BTG2: variants seen among roughly 807,000 people sequenced by gnomAD.
The protein encoded by BTG2 is BTG anti-proliferation factor 2, also known as protein BTG2.
In BTG2, 9 loss-of-function variants were observed where a neutral mutation model predicts 13.1. The observed-to-expected ratio is 0.69, with a 90% CI of 0.41 to 1.20. BTG2 has a LOEUF of 1.20. BTG2 is among the 50% of genes most tolerant of loss of function. The pLI is 0.00. For synonymous variants in BTG2, 92 were observed against 88.6 expected, an observed-to-expected ratio of 1.04 and a Z score of -0.21; for missense variants, 200 against 209.5, an observed-to-expected ratio of 0.95 and a Z score of 0.28.
intron 1 of BTG2, 64 bp from the exon 2 acceptor site, chr1:203,307,040 T>A (rs560765537): frequency 9.0e-6 from 13 of 1,443,522 alleles, no homozygotes; most frequent in Non-Finnish European, 1.2e-5. Context: ...CACCCCGCCC[T>A]ATGGTAGTAT....
Position 203,307,310 on chromosome 1 carries a change from G to A in BTG2, c.349G>A (p.Gly117Ser), listed in dbSNP as rs1395503335. Residue 117 changes from glycine to serine, a missense_variant, in exon 2 of 2, where the codon GGC (glycine) becomes AGC (serine). Gly to Ser is a moderately conservative substitution (Grantham distance 56). Transcript: ENST00000290551. ...YEVSYRIGED[G>S]SICVLYEEAP... ...GGTGTCCTACCGCATTGGGGAGGAC[G>A]GCTCCATCTGCGTCTTGTACGAGGA... 2.5e-6 allele frequency: 4 copies of A among 1,614,114 alleles called. No homozygotes were observed. The highest frequency in any genetic ancestry group is 2.2e-5 in the East Asian group (1 of 44,884).
intron 1 of BTG2, among the ~76,000 whole-genome samples, chr1:203,306,169 A>G (rs551717330): frequency 6.6e-6 from 1 of 152,106 alleles, no homozygotes; most frequent in African/African-American, 2.4e-5. Context: ...CTTTTCAACA[A>G]TTTGGAGTCC....
Position 203,309,406 on chromosome 1 carries a change from A to G in BTG2, c.*1968A>G, listed in dbSNP as rs1658339896. The stretch of plus-strand genomic sequence containing the variant: ...TGATGTTCACTTTAAAAACAACAAA[A>G]CCCCTGAGCTGGACTGTTGAGCAGG... On this transcript the variant is annotated 3_prime_UTR_variant, in exon 2 of 2. Coordinates refer to ENST00000290551, the MANE Select transcript of BTG2 (RefSeq NM_006763.3). 2 of 152,674 alleles carry G rather than the reference A, an allele frequency of 1.3e-5. No individual in the cohort carries two copies. The highest frequency in any genetic ancestry group is 1.3e-4 in the Admixed American group (2 of 15,294). The allele number at this position is 152,674 out of a possible 1,614,324, so 9.5% of individuals were successfully genotyped here. A position where few individuals can be genotyped will look rare whatever the true frequency, so the allele number is the denominator to read the frequency against.
chr1:203,305,871 C>T (rs1398717230), intron 1 of BTG2, 123 bp downstream of exon 1: 2 of 1,348,526 alleles, frequency 1.5e-6, no homozygotes, highest in Non-Finnish European at 2.0e-6. Context: ...GGTGGCCCTC[C>T]TCCGACCCCC....
chr1:203,305,636 C>G lies in BTG2; in HGVS notation c.30C>G (p.Leu10=), dbSNP rs1248227869. 18 of 1,594,202 alleles carry G rather than the reference C, an allele frequency of 1.1e-5. No individual in the cohort carries two copies. The highest frequency in any genetic ancestry group is 1.5e-5 in the Non-Finnish European group (18 of 1,171,022). MSHGKGTDM[L]PEIAAAVGFL... is the part of the protein sequence containing the mutation. ...GCCACGGGAAGGGAACCGACATGCT[C>G]CCGGAGATCGCCGCCGCCGTGGGCT... The change falls in exon 1 of 2, where the codon CTC becomes CTG. Residue 10 remains leucine, a synonymous_variant. Transcript: ENST00000290551.
intron 1 of BTG2, 31 bp from the exon 2 acceptor site, chr1:203,307,073 A>G (rs776847266): frequency 6.3e-7 from 1 of 1,594,482 alleles, no homozygotes; most frequent in South Asian, 1.1e-5. Flanking sequence ...TGCTCTAACC[A>G]GGGCATCTGC....
Position 203,305,554 on chromosome 1 carries a change from T to C in BTG2, c.-53T>C. On this transcript the variant is annotated 5_prime_UTR_variant, in exon 1 of 2. Transcript: ENST00000290551. ...CAGCGGCCAGGGTAACGCTGTCTTG[T>C]GGACCCGCACTTCCCACCCGAGACC... The C allele has an allele frequency of 1.6e-5, 25 of 1,565,072 alleles. 2 individuals are homozygous for C. The South Asian group carries it at 2.8e-4, about 18-fold the overall frequency.
chr1:203,305,778 C>G (rs1237543007), intron 1 of BTG2, 30 bp downstream of exon 1: 1 of 1,535,406 alleles, frequency 6.5e-7, no homozygotes, highest in Non-Finnish European at 8.8e-7. Context: ...CCTGGCGCCA[C>G]CGGGGGTCGG....
In BTG2 at chr1:203,307,490, A is replaced by G. The variant is rs1658306024; in HGVS notation, c.*52A>G. 10 of 1,422,410 alleles carry G rather than the reference A, an allele frequency of 7.0e-6. No individual in the cohort carries two copies. The highest frequency in any genetic ancestry group is 9.5e-6 in the Non-Finnish European group (10 of 1,047,630). 88.1% of individuals were successfully genotyped at this position (1,422,410 alleles called of 1,614,324 possible). ...GCCGTGCTCATGCTGCCGTGACAAC[A>G]GGCCACCACATACCTCAACCTGGGG... On this transcript the variant is annotated 3_prime_UTR_variant, in exon 2 of 2. Coordinates refer to ENST00000290551, the MANE Select transcript of BTG2 (RefSeq NM_006763.3).
Position 203,305,721 on chromosome 1 carries a change from A to G in BTG2, c.115A>G (p.Ser39Gly). 2 of 1,551,184 alleles carry G rather than the reference A, an allele frequency of 1.3e-6. No homozygotes were observed. Among genetic ancestry groups the G allele is most frequent in the South Asian group, 2.4e-5 (2 of 83,974 alleles). The part of the protein sequence containing the change: ...CVSEQRLKVF[S>G]GALQEALTEH... ...GAGCGAGCAGAGGCTTAAGGTCTTC[A>G]GCGGGGCGCTCCAGGAGGCACTCAC... Residue 39 changes from serine to glycine, a missense_variant, in exon 1 of 2, where the codon AGC (serine) becomes GGC (glycine). Physicochemically the swap from Ser to Gly is moderately conservative, Grantham distance 56 (BLOSUM62 0). Coordinates refer to ENST00000290551, the MANE Select transcript of BTG2 (RefSeq NM_006763.3).
In BTG2 at chr1:203,307,927, C is replaced by T. The variant is rs1658312495; in HGVS notation, c.*489C>T. On this transcript the variant is annotated 3_prime_UTR_variant, in exon 2 of 2. Coordinates refer to ENST00000290551, the MANE Select transcript of BTG2 (RefSeq NM_006763.3). Reference sequence around the variant, plus strand: ...TTACTCAGGGGCATTCATGCCTGGACTTAAACAATACTATGTTATCTTTTC... The same window carrying T: ...TTACTCAGGGGCATTCATGCCTGGATTTAAACAATACTATGTTATCTTTTC... 6.5e-6 allele frequency: 1 copy of T among 153,034 alleles called. No homozygotes were observed. Among genetic ancestry groups the T allele is most frequent in the Non-Finnish European group, 1.5e-5 (1 of 68,336 alleles). 9.5% of individuals were successfully genotyped at this position (153,034 alleles called of 1,614,324 possible).
At position 203,305,544 on chromosome 1, in the gene BTG2, C is replaced by G. The variant is rs976574661; in HGVS notation, c.-63C>G. On this transcript the variant is annotated 5_prime_UTR_variant, in exon 1 of 2. Transcript: ENST00000290551. ...AGAGCCCGAGCAGCGGCCAGGGTAA[C>G]GCTGTCTTGTGGACCCGCACTTCCC... is the stretch of plus-strand genomic sequence containing the variant. 1.9e-6 allele frequency: 3 copies of G among 1,544,410 alleles called. No individual in the cohort carries two copies. In the African/African-American group the frequency reaches 4.1e-5, roughly 21 times the overall value.
intron 1 of BTG2, among the ~76,000 whole-genome samples, chr1:203,306,424 G>T (rs1658275128): frequency 6.6e-6 from 1 of 152,206 alleles, no homozygotes; most frequent in Non-Finnish European, 1.5e-5. Flanking sequence ...TCTCCCAGCT[G>T]TTTCTAGCTG....
chr1:203,305,532 C>A lies in BTG2; in HGVS notation c.-75C>A. On this transcript the variant is annotated 5_prime_UTR_variant, in exon 1 of 2. Coordinates refer to ENST00000290551, the MANE Select transcript of BTG2 (RefSeq NM_006763.3). ...GAAAGTCCGGGCAGAGCCCGAGCAG[C>A]GGCCAGGGTAACGCTGTCTTGTGGA... The A allele has an allele frequency of 6.7e-7, 1 of 1,495,492 alleles. No homozygotes were observed. The highest frequency in any genetic ancestry group is 1.3e-5 in the South Asian group (1 of 78,640). 92.6% of individuals were successfully genotyped at this position (1,495,492 alleles called of 1,614,324 possible). A position where few individuals can be genotyped will look rare whatever the true frequency, so the allele number is the denominator to read the frequency against.
In BTG2 at chr1:203,307,316, A is replaced by G; in HGVS notation, c.355A>G (p.Ile119Val). 6.2e-7 allele frequency: 1 copy of G among 1,614,134 alleles called. No homozygotes were observed. Among genetic ancestry groups the G allele is most frequent in the Non-Finnish European group, 8.5e-7 (1 of 1,179,990 alleles). The part of the protein sequence containing the change: ...VSYRIGEDGS[I>V]CVLYEEAPLA... ...CTACCGCATTGGGGAGGACGGCTCC[A>G]TCTGCGTCTTGTACGAGGAGGCCCC... Residue 119 changes from isoleucine (I) to valine (V), a missense_variant, in exon 2 of 2, where the codon ATC becomes GTC. Transcript: ENST00000290551.
chr1:203,306,820 A>ACT lies in BTG2; in HGVS notation c.143-274_143-273dup, dbSNP rs56359652. ...AACACGCACACACACACACACACAC[A>ACT]CTCTCTCTCTCACACACACACACTC... On this transcript the variant is annotated intron_variant, in intron 1 of 1. Transcript: ENST00000290551. Among the ~76,000 whole-genome samples the ACT allele has an allele frequency of 7.7e-3, 841 of 108,742 alleles. 7 individuals are homozygous for ACT. The highest frequency in any genetic ancestry group is 0.025 in the East Asian group (106 of 4,200). The allele number at this position is 108,742 out of a possible 152,430, so 71.3% of individuals were successfully genotyped here. A position where few individuals can be genotyped will look rare whatever the true frequency, so the allele number is the denominator to read the frequency against.
chr1:203,306,206 G>A (rs1658267519), intron 1 of BTG2, among the ~76,000 whole-genome samples: 1 of 152,330 alleles, frequency 6.6e-6, no homozygotes, highest in East Asian at 1.9e-4. Context: ...GCCGGTCGGG[G>A]TGCGCTGTGC....
rs778779331 is a variant in BTG2 at position 203,308,089 on chromosome 1, C to G, written c.*651C>G. On this transcript the variant is annotated 3_prime_UTR_variant, in exon 2 of 2. Transcript: ENST00000290551. ...GGGCCTGTAGATGTTGCTTTCCAGC[C>G]AGGAATCTAAAGCTTTGGGTTTTCT... 1 of 145,016 alleles carries G rather than the reference C, an allele frequency of 6.9e-6. No individual in the cohort carries two copies. Among genetic ancestry groups the G allele is most frequent in the Non-Finnish European group, 1.5e-5 (1 of 66,536 alleles). The allele number at this position is 145,016 out of a possible 1,614,324, so 9.0% of individuals were successfully genotyped here.
At position 203,307,331 on chromosome 1, in the gene BTG2, G is replaced by A. The variant is rs749597418; in HGVS notation, c.370G>A (p.Glu124Lys). Residue 124 changes from glutamate (E) to lysine (K), a missense_variant, in exon 2 of 2, where the codon GAG (glutamate) becomes AAG (lysine). Glu to Lys is a moderately conservative substitution (Grantham distance 56). Transcript: ENST00000290551. ...GEDGSICVLY[E>K]EAPLAASCGL... ...GGACGGCTCCATCTGCGTCTTGTAC[G>A]AGGAGGCCCCACTGGCCGCCTCCTG... 2.5e-6 allele frequency: 4 copies of A among 1,613,984 alleles called. No individual in the cohort carries two copies. The highest frequency in any genetic ancestry group is 2.2e-5 in the South Asian group (2 of 91,082).
Sources: allele counts gnomAD v4.1 joint callset (sites outside exome capture counted in the v4.1 genomes callset), GRCh38; gene constraint gnomAD v4.1.1; transcripts MANE v1.5; gene names NCBI Gene and HGNC (gene_info 2026-07-23, HGNC 2026-07-21).